Variants in STKLD1 observed in about 807,000 individuals in gnomAD.
STKLD1 encodes the protein serine/threonine kinase like domain containing 1.
STKLD1 carries 79 observed loss-of-function variants against 80.4 expected under a neutral mutation model. That is an observed-to-expected ratio of 0.98 (90% CI 0.82 to 1.19). STKLD1 has a LOEUF of 1.19. STKLD1 is among the 50% of genes most tolerant of loss of function. STKLD1 has a pLI of 0.00. For missense variants in STKLD1, 841 were observed against 856.0 expected (o/e 0.98, Z 0.22); for synonymous variants, 393 against 357.6 (o/e 1.10, Z -1.12).
chr9:133,399,485 G>A (rs953309720), intron 11 of STKLD1, among the ~76,000 whole-genome samples: 1 of 152,220 alleles, frequency 6.6e-6, no homozygotes, highest in African/African-American at 2.4e-5. Context: ...GAGAGACTTT[G>A]CCTCCCTGGG....
chr9:133,389,753 C>T lies in STKLD1; in HGVS notation c.467+157C>T, dbSNP rs994614272. Among the ~76,000 whole-genome samples, 1 of 152,204 alleles carries T rather than the reference C, an allele frequency of 6.6e-6. No homozygotes were observed. The highest frequency in any genetic ancestry group is 1.5e-5 in the Non-Finnish European group (1 of 68,036). ...GGATGGGACCTTACAGAGCTCCTCC[C>T]GGGCTTGAAAGAGGCTCTTCCAAGT... is the stretch of plus-strand genomic sequence containing the variant. On this transcript the variant is annotated intron_variant, in intron 6 of 17. Coordinates refer to ENST00000371957, the MANE Select transcript of STKLD1 (RefSeq NM_153710.5). The surrounding 1 kb of genome is among the most constrained non-coding windows in gnomAD (Gnocchi z 6.4).
rs1338832900 is a variant in STKLD1 at position 133,392,595 on chromosome 9, ATGGATGGG to A, written c.584-1688_584-1681del. On this transcript the variant is annotated intron_variant, in intron 7 of 17. Coordinates refer to ENST00000371957, the MANE Select transcript of STKLD1 (RefSeq NM_153710.5). Reference sequence around the variant, plus strand: ...GATGGATGGATGAGTGGATGGATGGATGGATGGGTGGATGGATGGATGGATGGATGGAT... The same window carrying A: ...GATGGATGGATGAGTGGATGGATGGATGGATGGATGGATGGATGGATGGAT... 4.5e-3 allele frequency among the ~76,000 whole-genome samples: 258 copies of A among 57,922 alleles called. 4 individuals carry two copies. Among genetic ancestry groups the A allele is most frequent in the African/African-American group, 0.01 (159 of 15,750 alleles). The allele number at this position is 57,922 out of a possible 152,430, so 38.0% of individuals were successfully genotyped here.
chr9:133,382,382 A>G (rs1838152271), intron 2 of STKLD1, among the ~76,000 whole-genome samples: 1 of 152,228 alleles, frequency 6.6e-6, no homozygotes, highest in Non-Finnish European at 1.5e-5. Context: ...CCTTAGGAAT[A>G]TCTTCCATTT....
chr9:133,393,825 G>A (rs1838488129), intron 7 of STKLD1: 2 of 155,006 alleles, frequency 1.3e-5, no homozygotes, highest in Non-Finnish European at 2.9e-5. Flanking sequence ...GCCAACCAGG[G>A]ACTGATGGAC....
Position 133,390,854 on chromosome 9 carries a change from C to T in STKLD1, c.583+58C>T, listed in dbSNP as rs2130287769. ...GGGTTGGCGCCTAGAATCCAGGCGGCGTTGGCCACTCTGGGTGCTGGAGTG... is the reference window on the plus strand; with the variant it reads ...GGGTTGGCGCCTAGAATCCAGGCGGTGTTGGCCACTCTGGGTGCTGGAGTG... On this transcript the variant is annotated intron_variant, in intron 7 of 17. Transcript: ENST00000371957. This position sits in a 1 kb window ranked among gnomAD's most constrained non-coding sequence, Gnocchi z 5.1. 0.09 allele frequency: 123,547 copies of T among 1,379,176 alleles called. 6,472 individuals carry two copies. The highest frequency in any genetic ancestry group is 0.22 in the African/African-American group (15,460 of 70,406). The allele number at this position is 1,379,176 out of a possible 1,614,324, so 85.4% of individuals were successfully genotyped here.
rs146055545 is a variant in STKLD1, at chr9:133,394,723, G to A, written c.702+314G>A. On this transcript the variant is annotated intron_variant, in intron 8 of 17. Coordinates refer to ENST00000371957, the MANE Select transcript of STKLD1 (RefSeq NM_153710.5). This position sits in a 1 kb window ranked among gnomAD's most constrained non-coding sequence, Gnocchi z 4.9. ...AAAAGCCAAGTTCAGGTGCCCTTGT[G>A]AGCATGAAGGCTGCACGGAGTTGCA... 4.8e-4 allele frequency: 174 copies of A among 363,774 alleles called. 1 individual carries two copies. Among genetic ancestry groups the A allele is most frequent in the African/African-American group, 3.5e-3 (171 of 49,040 alleles). 22.5% of individuals were successfully genotyped at this position (363,774 alleles called of 1,614,324 possible).
In STKLD1 at chr9:133,379,140, T is replaced by C; in HGVS notation, c.174+18T>C. 3 of 1,607,178 alleles carry C rather than the reference T, an allele frequency of 1.9e-6. No homozygotes were observed. The highest frequency in any genetic ancestry group is 2.6e-6 in the Non-Finnish European group (3 of 1,174,772). On this transcript the variant is annotated intron_variant, in intron 2 of 17. Coordinates refer to ENST00000371957, the MANE Select transcript of STKLD1 (RefSeq NM_153710.5). ...TAAAGCAGGTAAGAGGCCAAGCCTG[T>C]GCATCCCATGCCGGGTGGTTCTGTG...
intron 5 of STKLD1, among the ~76,000 whole-genome samples, chr9:133,388,060 T>A (rs1838303256): frequency 6.6e-6 from 1 of 152,218 alleles, no homozygotes; most frequent in Non-Finnish European, 1.5e-5. Flanking sequence ...TGAGCATTGC[T>A]GGAAGACACT....
At chr9:133,399,182 G>C (rs1285214829) in intron 11 of STKLD1, among the ~76,000 whole-genome samples, 1 of 152,192 alleles carries the variant, frequency 6.6e-6, no homozygotes, top group Non-Finnish European at 1.5e-5. Flanking sequence ...GCCAAAACAT[G>C]CTTTCATAAA....
At chr9:133,377,753 A>T (rs1039378854) in intron 1 of STKLD1, among the ~76,000 whole-genome samples, 2 of 152,006 alleles carry the variant, frequency 1.3e-5, no homozygotes, top group Admixed American at 6.6e-5. Flanking sequence ...TGGAGGCGGG[A>T]GGATGGTTTT....
intron 10 of STKLD1, among the ~76,000 whole-genome samples, 188 bp from the exon 11 acceptor site, chr9:133,397,784 A>G (rs587706092): frequency 1.3e-5 from 2 of 152,274 alleles, no homozygotes; most frequent in South Asian, 4.1e-4. Flanking sequence ...CTATTAAGGA[A>G]AAGTTGCTTG....
intron 7 of STKLD1, among the ~76,000 whole-genome samples, chr9:133,393,287 G>A (rs1409757398): frequency 7.0e-6 from 1 of 142,778 alleles, no homozygotes; most frequent in African/African-American, 2.6e-5. Context: ...TGGATGGATA[G>A]GTGGGTGGGT....
intron 4 of STKLD1, among the ~76,000 whole-genome samples, chr9:133,386,478 C>T (rs1228021138): frequency 2.0e-5 from 3 of 152,246 alleles, no homozygotes; most frequent in Non-Finnish European, 4.4e-5. Context: ...GCCTGTGCGC[C>T]CCTTACTCCT....
Position 133,389,538 on chromosome 9 carries a change from G to A in STKLD1, c.409G>A (p.Val137Met). Residue 137 changes from valine (V) to methionine (M), a missense_variant, in exon 6 of 18, where the codon GTG (valine) becomes ATG (methionine). By Grantham distance (21) the Val-to-Met change is conservative. Coordinates refer to ENST00000371957, the MANE Select transcript of STKLD1 (RefSeq NM_153710.5). This position sits in a 1 kb window ranked among gnomAD's most constrained non-coding sequence, Gnocchi z 6.4. ...KIIDSEWMQN[V>M]LGQVLDALEY... ...ACTTCTCCCCCAGTGGATGCAGAAT[G>A]TGCTGGGCCAGGTGCTGGACGCGCT... 2 of 1,613,456 alleles carry A rather than the reference G, an allele frequency of 1.2e-6. No homozygotes were observed. The highest frequency in any genetic ancestry group is 1.7e-5 in the Admixed American group (1 of 60,016).
chr9:133,397,248 G>C lies in STKLD1; in HGVS notation c.951G>C (p.Ala317=), dbSNP rs782729394. The C allele has an allele frequency of 1.7e-5, 27 of 1,613,862 alleles. No individual in the cohort carries two copies. Among genetic ancestry groups the C allele is most frequent in the Non-Finnish European group, 2.1e-5 (25 of 1,180,002 alleles). The change falls in exon 10 of 18, where the codon GCG becomes GCC. Residue 317 remains alanine, a synonymous_variant. Coordinates refer to ENST00000371957, the MANE Select transcript of STKLD1 (RefSeq NM_153710.5). The stretch of plus-strand genomic sequence containing the variant: ...CCCTGCACCGGCAGATGGTGCCTGC[G>C]TCCATCACCGACATGCTGTTAGAAG... ...SLTLHRQMVP[A]SITDMLLEGN...
At position 133,385,940 on chromosome 9, in the gene STKLD1, C is replaced by G. The variant is rs1588740540; in HGVS notation, c.294+249C>G. 1.3e-5 allele frequency among the ~76,000 whole-genome samples: 2 copies of G among 149,750 alleles called. No individual in the cohort carries two copies. Among genetic ancestry groups the G allele is most frequent in the Admixed American group, 1.3e-4 (2 of 15,062 alleles). On this transcript the variant is annotated intron_variant, in intron 4 of 17. Coordinates refer to ENST00000371957, the MANE Select transcript of STKLD1 (RefSeq NM_153710.5). This position sits in a 1 kb window ranked among gnomAD's most constrained non-coding sequence, Gnocchi z 4.9. ...CAGGAGAGTTTTTTTTTTTTTTGGACAAAGTCTCGCTCTTGTCCCCCAGGC... is the reference window on the plus strand; with the variant it reads ...CAGGAGAGTTTTTTTTTTTTTTGGAGAAAGTCTCGCTCTTGTCCCCCAGGC...
chr9:133,391,841 T>TAA (rs375903398), intron 7 of STKLD1, among the ~76,000 whole-genome samples: 1 of 136,850 alleles, frequency 7.3e-6, no homozygotes. Context: ...AATGATCAAT[T>TAA]AAAAAAAAAA....
In STKLD1 at chr9:133,380,237, T is replaced by G. The variant is rs182341318; in HGVS notation, c.174+1115T>G. ...TTTTAGTAGAGACAGGGTTTCACCG[T>G]GTTGCCCAGGCTGGTCTCGAACTCC... is the stretch of plus-strand genomic sequence containing the variant. On this transcript the variant is annotated intron_variant, in intron 2 of 17. Coordinates refer to ENST00000371957, the MANE Select transcript of STKLD1 (RefSeq NM_153710.5). Among the ~76,000 whole-genome samples, 176 of 152,054 alleles carry G rather than the reference T, an allele frequency of 1.2e-3. 3 individuals are homozygous for G. The East Asian group carries it at 0.026, about 23-fold the overall frequency.
chr9:133,400,334 C>A, intron 11 of STKLD1, 79 bp from the exon 12 acceptor site: 2 of 1,037,064 alleles, frequency 1.9e-6, no homozygotes, highest in Non-Finnish European at 3.0e-6. Context: ...CTCCTACCAG[C>A]CTCTGGGGGC....
Sources: allele counts gnomAD v4.1 joint callset (sites outside exome capture counted in the v4.1 genomes callset), GRCh38; gene constraint gnomAD v4.1.1; non-coding constraint Gnocchi (gnomAD v3.1); transcripts MANE v1.5; gene names NCBI Gene and HGNC (gene_info 2026-07-23, HGNC 2026-07-21).